CSMD1: variants seen among roughly 807,000 people sequenced by gnomAD.
CSMD1 encodes the protein CUB and sushi domain-containing protein 1.
A neutral mutation model predicts 417.5 loss-of-function variants in CSMD1; 213 were observed. That is an observed-to-expected ratio of 0.51 (90% CI 0.46 to 0.57). The LOEUF (loss-of-function observed/expected upper bound fraction) is 0.57, where lower values mean the gene tolerates loss of function less well. Ranked by LOEUF, CSMD1 falls within the 20% of genes least tolerant of loss-of-function variation. CSMD1 has a pLI of 0.00. For missense variants in CSMD1, 6,923 were observed against 4,529.7 expected (o/e 1.53, Z -15.17); for synonymous variants, 2,862 against 1,736.8 (o/e 1.65, Z -16.11).
At position 4,629,713 on chromosome 8, in the gene CSMD1, CAT is replaced by C. The variant is rs144014102; in HGVS notation, c.302+7627_302+7628del. Among the ~76,000 whole-genome samples, 308 of 152,186 alleles carry C rather than the reference CAT, an allele frequency of 2.0e-3. 1 individual carries two copies. Among genetic ancestry groups the C allele is most frequent in the African/African-American group, 7.3e-3 (301 of 41,508 alleles). On this transcript the variant is annotated intron_variant, in intron 2 of 69. Transcript: ENST00000635120. ...ATTAATATTTACATTGGTGATCTAA[CAT>C]ATTTATTTTGCTACAAACAGCAAAG...
chr8:3,495,828 C>T (rs1203706479), intron 10 of CSMD1, among the ~76,000 whole-genome samples: 1 of 152,050 alleles, frequency 6.6e-6, no homozygotes, highest in Non-Finnish European at 1.5e-5. Context: ...GCATATGCAC[C>T]CTCCTTATGT....
At chr8:4,889,309 T>A (rs1190869880) in intron 1 of CSMD1, among the ~76,000 whole-genome samples, 1 of 152,054 alleles carries the variant, frequency 6.6e-6, no homozygotes, top group Non-Finnish European at 1.5e-5. Flanking sequence ...TTAGAGAAAC[T>A]CAAATTGAGG....
chr8:4,156,740 C>T (rs1055088424), intron 3 of CSMD1, among the ~76,000 whole-genome samples: 1 of 152,154 alleles, frequency 6.6e-6, no homozygotes, highest in African/African-American at 2.4e-5. Flanking sequence ...CCAGTGACAG[C>T]TTCAACCTTT....
At position 4,432,059 on chromosome 8, in the gene CSMD1, A is replaced by G. The variant is rs116789440; in HGVS notation, c.303-11994T>C. 5.9e-3 allele frequency among the ~76,000 whole-genome samples: 905 copies of G among 152,330 alleles called. 4 individuals carry two copies. Among genetic ancestry groups the G allele is most frequent in the African/African-American group, 0.02 (847 of 41,580 alleles). The stretch of plus-strand genomic sequence containing the variant: ...TAAGGAGATTTGGTAGTGCTCACAG[A>G]CTAAAACAGACAGGATTAGAATACA... On this transcript the variant is annotated intron_variant, in intron 2 of 69. Transcript: ENST00000635120.
At chr8:4,826,189 G>A (rs1241922144) in intron 1 of CSMD1, among the ~76,000 whole-genome samples, 1 of 151,996 alleles carries the variant, frequency 6.6e-6, no homozygotes, top group Non-Finnish European at 1.5e-5. Flanking sequence ...GTACCCCAGT[G>A]TTCATTGTTG....
At chr8:4,345,258 T>G (rs1286162217) in intron 3 of CSMD1, among the ~76,000 whole-genome samples, 6 of 152,148 alleles carry the variant, frequency 3.9e-5, no homozygotes, top group Admixed American at 2.0e-4. Context: ...ACATGAAAAT[T>G]AGATAGGAAC....
chr8:3,830,242 C>T (rs140253744), intron 5 of CSMD1, among the ~76,000 whole-genome samples: 179 of 152,310 alleles, frequency 1.2e-3, no homozygotes, highest in African/African-American at 4.1e-3. Context: ...GGTGATCATA[C>T]ATGATAGAGC....
intron 5 of CSMD1, among the ~76,000 whole-genome samples, chr8:3,840,693 ATTTTT>A (rs34360211): frequency 7.4e-6 from 1 of 134,804 alleles, no homozygotes. Flanking sequence ...CTTTTTTTTA[ATTTTT>A]TTTTTTTTTT....
chr8:4,375,435 G>A (rs189588554), intron 3 of CSMD1, among the ~76,000 whole-genome samples: 4 of 152,240 alleles, frequency 2.6e-5, no homozygotes, highest in Admixed American at 2.6e-4. Flanking sequence ...TACTACCCCA[G>A]GAAACCAGAG....
At chr8:3,970,220 C>G (rs1035373913) in intron 5 of CSMD1, among the ~76,000 whole-genome samples, 3 of 152,070 alleles carry the variant, frequency 2.0e-5, no homozygotes, top group African/African-American at 4.8e-5. Context: ...AAATGCATGC[C>G]CAGAAGCACC....
At chr8:3,509,412 T>G (rs12114535) in intron 10 of CSMD1, among the ~76,000 whole-genome samples, 1 of 152,126 alleles carries the variant, frequency 6.6e-6, no homozygotes, top group Non-Finnish European at 1.5e-5. Flanking sequence ...TTTAGACAAT[T>G]TTCTCAGGAC....
At chr8:4,980,909 A>T (rs1420086546) in intron 1 of CSMD1, among the ~76,000 whole-genome samples, 2 of 152,138 alleles carry the variant, frequency 1.3e-5, no homozygotes, top group Non-Finnish European at 2.9e-5. Flanking sequence ...CTCGAAAAAA[A>T]AAAAAACTTA....
intron 4 of CSMD1, among the ~76,000 whole-genome samples, chr8:4,007,291 C>A (rs571570738): frequency 7.9e-4 from 121 of 152,312 alleles, no homozygotes; most frequent in African/African-American, 2.8e-3. Flanking sequence ...ATTATGTGAG[C>A]TGGAATGTTG....
chr8:4,270,353 C>T lies in CSMD1; in HGVS notation c.415+149600G>A, dbSNP rs540618728. Reference sequence around the variant, plus strand: ...CAAACCACGATTCACACTCTGTTTCCACTTCATCTCCTGTTCTCCTTCGTC... The same window carrying T: ...CAAACCACGATTCACACTCTGTTTCTACTTCATCTCCTGTTCTCCTTCGTC... On this transcript the variant is annotated intron_variant, in intron 3 of 69. Coordinates refer to ENST00000635120, the MANE Select transcript of CSMD1 (RefSeq NM_033225.6). Among the ~76,000 whole-genome samples, 4 of 152,152 alleles carry T rather than the reference C, an allele frequency of 2.6e-5. No homozygotes were observed. In the South Asian group the frequency reaches 8.3e-4, roughly 32 times the overall value.
chr8:3,220,768 T>C (rs1307675882), intron 28 of CSMD1, among the ~76,000 whole-genome samples: 1 of 151,994 alleles, frequency 6.6e-6, no homozygotes, highest in Non-Finnish European at 1.5e-5. Context: ...GAAGCGGAGG[T>C]TGCAGTGAGT....
intron 1 of CSMD1, among the ~76,000 whole-genome samples, chr8:4,805,363 G>C (rs1397283401): frequency 6.6e-6 from 1 of 152,134 alleles, no homozygotes; most frequent in Admixed American, 6.5e-5. Flanking sequence ...GCCAATTCGT[G>C]GTCTTATTCT....
intron 36 of CSMD1, among the ~76,000 whole-genome samples, chr8:3,184,969 T>G (rs1011951987): frequency 6.6e-6 from 1 of 152,210 alleles, no homozygotes. Context: ...TCCTGTCACA[T>G]CCCTGTTTTG....
At chr8:3,511,509 C>A (rs890414533) in intron 10 of CSMD1, among the ~76,000 whole-genome samples, 2 of 151,674 alleles carry the variant, frequency 1.3e-5, no homozygotes, top group Non-Finnish European at 2.9e-5. Flanking sequence ...AATCCCTGCA[C>A]TTTGGGAGGC....
intron 7 of CSMD1, among the ~76,000 whole-genome samples, chr8:3,636,622 C>G (rs1374542627): frequency 1.3e-5 from 2 of 152,120 alleles, no homozygotes; most frequent in African/African-American, 2.4e-5. Flanking sequence ...AATGTTTTCT[C>G]CCACCCTACA....
Sources: allele counts gnomAD v4.1 joint callset (sites outside exome capture counted in the v4.1 genomes callset), GRCh38; gene constraint gnomAD v4.1.1; transcripts MANE v1.5; gene names NCBI Gene and HGNC (gene_info 2026-07-23, HGNC 2026-07-21).